Variants in ZBED1 observed in about 807,000 individuals in gnomAD.
ZBED1 encodes zinc finger BED-type containing 1, also known as E3 SUMO-protein ligase ZBED1.
Under a neutral mutation model 49.7 loss-of-function variants are expected in ZBED1, and 19 were observed. That is an observed-to-expected ratio of 0.38 (90% CI 0.27 to 0.56). The LOEUF (loss-of-function observed/expected upper bound fraction) is 0.56, where lower values mean the gene tolerates loss of function less well. ZBED1 is among the 20% of genes least tolerant of loss of function. The probability of loss-of-function intolerance (pLI) is 0.70; values close to 1 mark genes in which losing one functional copy is unlikely to be tolerated. For missense variants in ZBED1, 806 were observed against 972.6 expected (o/e 0.83, Z 2.28); for synonymous variants, 439 against 440.3 (o/e 1.00, Z 0.04).
chrX:2,490,866 G>A (rs1456291887), intron 1 of ZBED1, 94 bp from the exon 2 acceptor site: 18 of 1,167,048 alleles, frequency 1.5e-5, no homozygotes, highest in South Asian at 7.5e-5. Flanking sequence ...GGGCAGCTCC[G>A]CTTTCAACCA....
rs899235174 is a variant in ZBED1, at chrX:2,490,747, G to C, written c.-28C>G. ...CTTCTCCACCGGAGCCTGCCTGCTG[G>C]ACGGCTGCTCATGCGTGGGGACCTG... On this transcript the variant is annotated 5_prime_UTR_variant, in exon 2 of 2. Transcript: ENST00000652001. 1 of 1,599,020 alleles carries C rather than the reference G, an allele frequency of 6.3e-7. No homozygotes were observed. Among genetic ancestry groups the C allele is most frequent in the Non-Finnish European group, 8.5e-7 (1 of 1,171,658 alleles).
rs1351773998 is a variant in ZBED1, at chrX:2,488,817, G to A, written c.1903C>T (p.Arg635Trp). The A allele has an allele frequency of 1.2e-5, 19 of 1,613,748 alleles. No individual in the cohort carries two copies. The highest frequency in any genetic ancestry group is 1.7e-5 in the Admixed American group (1 of 59,998). ...AANVVSAKRN[R>W]LAPAHVDEQV... ...TCGTCCACGTGCGCGGGAGCCAGCCGGTTCCTCTTGGCGCTGACCACGTTG... is the reference window on the plus strand; with the variant it reads ...TCGTCCACGTGCGCGGGAGCCAGCCAGTTCCTCTTGGCGCTGACCACGTTG... The change falls in exon 2 of 2, where the codon CGG becomes TGG. Residue 635 changes from arginine to tryptophan, a missense_variant. By Grantham distance (101) the Arg-to-Trp change is moderately radical (BLOSUM62 -3). Around this residue, in one of 2 missense-constraint regions of ZBED1, gnomAD observed 749 missense variants for 861.3 expected, o/e 0.87. Coordinates refer to ENST00000652001, the MANE Select transcript of ZBED1 (RefSeq NM_001171136.2).
chrX:2,491,361 C>T (rs1251368659), intron 1 of ZBED1, among the ~76,000 whole-genome samples: 4 of 152,178 alleles, frequency 2.6e-5, no homozygotes, highest in African/African-American at 9.7e-5. Flanking sequence ...TGAGTCACCG[C>T]GCCCAGCCTG....
In ZBED1 at chrX:2,490,472, G is replaced by T; in HGVS notation, c.248C>A (p.Thr83Lys). The T allele has an allele frequency of 8.7e-6, 14 of 1,613,994 alleles. No homozygotes were observed. Among genetic ancestry groups the T allele is most frequent in the Non-Finnish European group, 1.2e-5 (14 of 1,179,868 alleles). The change falls in exon 2 of 2, where the codon ACG (threonine) becomes AAG (lysine). Residue 83 changes from threonine to lysine, a missense_variant. Thr to Lys is a moderately conservative substitution (Grantham distance 78, BLOSUM62 -1). This residue lies in a region of ZBED1 where 57 missense variants were observed against 111.3 expected (regional missense o/e 0.51). Coordinates refer to ENST00000652001, the MANE Select transcript of ZBED1 (RefSeq NM_001171136.2). ...GGCGAAGGCTTCACGCATCTGCTCCGTGTTGCTCTTGACGAACTCGCAGAA... is the reference window on the plus strand; with the variant it reads ...GGCGAAGGCTTCACGCATCTGCTCCTTGTTGCTCTTGACGAACTCGCAGAA... ...EEFCEFVKSN[T>K]EQMREAFATA...
At chrX:2,491,945 T>C (rs2045159035) in intron 1 of ZBED1, among the ~76,000 whole-genome samples, 1 of 152,206 alleles carries the variant, frequency 6.6e-6, no homozygotes, top group East Asian at 1.9e-4. Context: ...CCTCTGTGAC[T>C]GGGTTGCCCA....
Position 2,500,925 on chromosome X carries a change from T to G in ZBED1, c.-162A>C, listed in dbSNP as rs1286128870. ...GCCCGCGCCGCAGACAATGGCGACATGGCTGCCCCGGCCGCGCCGCCGCCG... is the reference window on the plus strand; with the variant it reads ...GCCCGCGCCGCAGACAATGGCGACAGGGCTGCCCCGGCCGCGCCGCCGCCG... On this transcript the variant is annotated 5_prime_UTR_variant, in exon 1 of 2. It removes an upstream start codon present in the reference 5' UTR. Transcript: ENST00000652001. The G allele has an allele frequency of 9.3e-7, 1 of 1,077,458 alleles. No homozygotes were observed. Among genetic ancestry groups the G allele is most frequent in the Non-Finnish European group, 1.1e-6 (1 of 890,602 alleles). The allele number at this position is 1,077,458 out of a possible 1,614,324, so 66.7% of individuals were successfully genotyped here.
At chrX:2,492,820 T>G (rs2045189094) in intron 1 of ZBED1, among the ~76,000 whole-genome samples, 1 of 152,242 alleles carries the variant, frequency 6.6e-6, no homozygotes, top group Non-Finnish European at 1.5e-5. Context: ...ACTTCTGGCC[T>G]CCAGAACTGG....
At chrX:2,500,433 G>C (rs1265006415) in intron 1 of ZBED1, 4 of 166,510 alleles carry the variant, frequency 2.4e-5, no homozygotes, top group Admixed American at 1.3e-4. Flanking sequence ...TCTTGGGCGC[G>C]GGGCGTGCGA....
At position 2,488,441 on chromosome X, in the gene ZBED1, C is replaced by T; in HGVS notation, c.*194G>A. The T allele has an allele frequency of 1.5e-6, 1 of 686,264 alleles. No homozygotes were observed. The highest frequency in any genetic ancestry group is 2.3e-6 in the Non-Finnish European group (1 of 438,524). The allele number at this position is 686,264 out of a possible 1,614,324, so 42.5% of individuals were successfully genotyped here. ...CTGCCCACCTCGGCCTCCCAAAGTG[C>T]TGCGATTATAGACAGGAGCCACCGC... On this transcript the variant is annotated 3_prime_UTR_variant, in exon 2 of 2. Coordinates refer to ENST00000652001, the MANE Select transcript of ZBED1 (RefSeq NM_001171136.2).
Position 2,489,871 on chromosome X carries a change from G to A in ZBED1, c.849C>T (p.Asp283=), listed in dbSNP as rs371928664. Residue 283 remains aspartate (D), a synonymous_variant, in exon 2 of 2, where the codon GAC becomes GAT. Transcript: ENST00000652001. ...KDIVKACSLL[D]VAVHMPCLGH... is the part of the protein sequence containing the mutation. ...CCAGGCAGGGCATGTGCACTGCGAC[G>A]TCCAGCAGGGAGCACGCCTTCACGA... 2.3e-5 allele frequency: 37 copies of A among 1,613,702 alleles called. No homozygotes were observed. Among genetic ancestry groups the A allele is most frequent in the Admixed American group, 5.0e-5 (3 of 59,998 alleles).
In ZBED1 at chrX:2,490,009, C is replaced by T; in HGVS notation, c.711G>A (p.Glu237=). The change falls in exon 2 of 2, where the codon GAG becomes GAA. Residue 237 remains glutamate (E), a synonymous_variant. Coordinates refer to ENST00000652001, the MANE Select transcript of ZBED1 (RefSeq NM_001171136.2). ...SMGSRCLKTF[E]VPEENTAETI... Reference sequence around the variant, plus strand: ...TCTCCGCCGTGTTCTCTTCGGGCACCTCGAAGGTCTTCAGGCAGCGGGAGC... The same window carrying T: ...TCTCCGCCGTGTTCTCTTCGGGCACTTCGAAGGTCTTCAGGCAGCGGGAGC... 4 of 1,613,884 alleles carry T rather than the reference C, an allele frequency of 2.5e-6. No individual in the cohort carries two copies. The highest frequency in any genetic ancestry group is 1.1e-5 in the South Asian group (1 of 91,078).
At position 2,500,018 on chromosome X, in the gene ZBED1, C is replaced by T. The variant is rs190234113; in HGVS notation, c.-54+799G>A. 1.9e-3 allele frequency among the ~76,000 whole-genome samples: 295 copies of T among 152,192 alleles called. No homozygotes were observed. The Middle Eastern group carries it at 0.031, about 16-fold the overall frequency. ...CAGAGCAAGACTTCATCTCTACTTC[C>T]TATTACAAAAAATAATAATAATAAT... On this transcript the variant is annotated intron_variant, in intron 1 of 1. Transcript: ENST00000652001.
At position 2,489,307 on chromosome X, in the gene ZBED1, C is replaced by T. The variant is rs1161109190; in HGVS notation, c.1413G>A (p.Val471=). 3 of 1,613,906 alleles carry T rather than the reference C, an allele frequency of 1.9e-6. No homozygotes were observed. Among genetic ancestry groups the T allele is most frequent in the Non-Finnish European group, 1.7e-6 (2 of 1,179,850 alleles). Residue 471 remains valine, a synonymous_variant, in exon 2 of 2, where the codon GTG becomes GTA. Coordinates refer to ENST00000652001, the MANE Select transcript of ZBED1 (RefSeq NM_001171136.2). ...ETPEIDMFLN[V]ATFLDPRYKR... ...TGTAGCGGGGGTCCAGGAAGGTGGC[C>T]ACGTTGAGAAACATGTCGATCTCGG...
rs1206769009 is a variant in ZBED1, at chrX:2,488,615, T to C, written c.*20A>G. ...AATGGGCTGCTGCGGGGATGACTTG[T>C]AAGACAACACGCTTCCTCGCTACAG... On this transcript the variant is annotated 3_prime_UTR_variant, in exon 2 of 2. Coordinates refer to ENST00000652001, the MANE Select transcript of ZBED1 (RefSeq NM_001171136.2). The C allele has an allele frequency of 6.4e-7, 1 of 1,571,946 alleles. No homozygotes were observed. Among genetic ancestry groups the C allele is most frequent in the African/African-American group, 1.4e-5 (1 of 73,324 alleles).
intron 1 of ZBED1, among the ~76,000 whole-genome samples, chrX:2,491,362 GCC>G (rs1451623050): frequency 6.6e-6 from 1 of 152,174 alleles, no homozygotes; most frequent in East Asian, 1.9e-4. Context: ...GAGTCACCGC[GCC>G]CAGCCTGACA....
At chrX:2,490,852 G>T in intron 1 of ZBED1, 80 bp from the exon 2 acceptor site, 2 of 1,297,810 alleles carry the variant, frequency 1.5e-6, no homozygotes, top group Non-Finnish European at 2.1e-6. Flanking sequence ...CAGACAGGGT[G>T]CCGGGGCAGC....
chrX:2,491,811 C>T (rs1362847307), intron 1 of ZBED1, among the ~76,000 whole-genome samples: 5 of 152,208 alleles, frequency 3.3e-5, no homozygotes, highest in Admixed American at 2.0e-4. Flanking sequence ...AAATATCACA[C>T]ACCTGTGCAA....
rs1784291268 is a variant in ZBED1 at position 2,489,751 on chromosome X, C to T, written c.969G>A (p.Gln323=). The T allele has an allele frequency of 6.2e-7, 1 of 1,613,200 alleles. No individual in the cohort carries two copies. The highest frequency in any genetic ancestry group is 1.7e-5 in the Admixed American group (1 of 60,002). Reference sequence around the variant, plus strand: ...GCATGTACATGGCCACGGCAGACTGCTGGAAGTACTCCACCAGTTTGCGGC... The same window carrying T: ...GCATGTACATGGCCACGGCAGACTGTTGGAAGTACTCCACCAGTTTGCGGC... ...SRCRKLVEYF[Q]QSAVAMYMLY... is the part of the protein sequence containing the mutation. Residue 323 remains glutamine (Q), a synonymous_variant, in exon 2 of 2, where the codon CAG becomes CAA. Coordinates refer to ENST00000652001, the MANE Select transcript of ZBED1 (RefSeq NM_001171136.2).
At position 2,489,910 on chromosome X, in the gene ZBED1, G is replaced by A; in HGVS notation, c.810C>T (p.Asn270=). ...ACGCCTTCACGATGTCCTTGCCATA[G>A]TTGGTGGTGGCCCCGAAGACCTTGG... ...ISAKVFGATT[N]YGKDIVKACS... Residue 270 remains asparagine, a synonymous_variant, in exon 2 of 2, where the codon AAC becomes AAT. Transcript: ENST00000652001. The A allele has an allele frequency of 1.2e-6, 2 of 1,613,900 alleles. No individual in the cohort carries two copies. Among genetic ancestry groups the A allele is most frequent in the Non-Finnish European group, 1.7e-6 (2 of 1,179,876 alleles).
Sources: allele counts gnomAD v4.1 joint callset (sites outside exome capture counted in the v4.1 genomes callset), GRCh38; gene constraint gnomAD v4.1.1; regional missense constraint gnomAD v4.1.1; transcripts MANE v1.5; gene names NCBI Gene and HGNC (gene_info 2026-07-23, HGNC 2026-07-21).